SNX29: variants seen among roughly 807,000 people sequenced by gnomAD.
The protein encoded by SNX29 is sorting nexin 29, also known as sorting nexin-29.
SNX29 carries 78 observed loss-of-function variants against 102.1 expected under a neutral mutation model. The ratio of observed to expected loss-of-function variants is 0.76; its 90% confidence interval spans 0.64 to 0.92. The LOEUF is 0.92. SNX29 is among the 40% of genes least tolerant of loss of function. SNX29 has a pLI of 0.00. For missense variants in SNX29, 1,280 were observed against 1,061.7 expected (o/e 1.21, Z -2.86); for synonymous variants, 580 against 414.5 (o/e 1.40, Z -4.85).
chr16:12,442,333 C>T (rs1161668155), intron 18 of SNX29, among the ~76,000 whole-genome samples: 15 of 152,276 alleles, frequency 9.9e-5, no homozygotes, highest in East Asian at 7.7e-4. Flanking sequence ...CTTATTAGGA[C>T]GTCTTGGAAT....
chr16:12,512,404 ATATAT>A (rs2089669178), intron 19 of SNX29, among the ~76,000 whole-genome samples: 1 of 67,804 alleles, frequency 1.5e-5, no homozygotes, highest in Non-Finnish European at 2.9e-5. Flanking sequence ...ATATATATAT[ATATAT>A]ATATATATAG....
intron 18 of SNX29, among the ~76,000 whole-genome samples, chr16:12,431,729 G>C (rs1036207269): frequency 6.6e-6 from 1 of 152,154 alleles, no homozygotes; most frequent in Admixed American, 6.5e-5. Context: ...GAATTGAGGG[G>C]TGTTGCTCTT....
Position 12,313,315 on chromosome 16 carries a change from G to A in SNX29, c.1782+35279G>A, listed in dbSNP as rs1410399972. The stretch of plus-strand genomic sequence containing the variant: ...AGGCGTGAGCCACTGCGCCTGGCCT[G>A]GGTTTTTTTAAACCTCTGAGAAGCT... On this transcript the variant is annotated intron_variant, in intron 15 of 20. Coordinates refer to ENST00000566228, the MANE Select transcript of SNX29 (RefSeq NM_032167.5). Among the ~76,000 whole-genome samples the A allele has an allele frequency of 3.3e-5, 5 of 152,240 alleles. No homozygotes were observed. In the South Asian group the frequency reaches 1.0e-3, roughly 32 times the overall value.
In SNX29 at chr16:12,568,888, T is replaced by G. The variant is rs2079123574; in HGVS notation, c.*259T>G. On this transcript the variant is annotated 3_prime_UTR_variant, in exon 21 of 21. Coordinates refer to ENST00000566228, the MANE Select transcript of SNX29 (RefSeq NM_032167.5). ...GTCCTTCTGCTTCTGGGGTCTACCC[T>G]GGGCTGCAAGGGCTGTTCCTCCACC... 5 of 532,180 alleles carry G rather than the reference T, an allele frequency of 9.4e-6. No individual in the cohort carries two copies. The highest frequency in any genetic ancestry group is 4.9e-4 in the Middle Eastern group (1 of 2,026). The allele number at this position is 532,180 out of a possible 1,614,324, so 33.0% of individuals were successfully genotyped here.
At chr16:12,393,398 A>ATGCATGCG (rs1208522604) in intron 16 of SNX29, among the ~76,000 whole-genome samples, 14 of 138,698 alleles carry the variant, frequency 1.0e-4, no homozygotes, top group Non-Finnish European at 1.5e-4. Context: ...TCATTCATGC[A>ATGCATGCG]TGCATGCATG....
intron 15 of SNX29, among the ~76,000 whole-genome samples, chr16:12,352,871 A>G (rs1356931967): frequency 1.3e-5 from 2 of 152,140 alleles, no homozygotes; most frequent in Non-Finnish European, 2.9e-5. Flanking sequence ...CTACCTGCAG[A>G]TGGATTAATT....
intron 20 of SNX29, among the ~76,000 whole-genome samples, chr16:12,565,643 T>C (rs148379967): frequency 3.3e-5 from 5 of 152,328 alleles, no homozygotes; most frequent in East Asian, 1.9e-4. Context: ...GTGACACATA[T>C]AGCCTCGTGA....
At chr16:12,308,347 G>T (rs991276546) in intron 15 of SNX29, among the ~76,000 whole-genome samples, 3 of 152,196 alleles carry the variant, frequency 2.0e-5, no homozygotes, top group Non-Finnish European at 2.9e-5. Flanking sequence ...TTTCCCTCAT[G>T]GGGTGTGGGG....
intron 18 of SNX29, among the ~76,000 whole-genome samples, chr16:12,454,562 G>T (rs1011675670): frequency 1.3e-5 from 2 of 152,164 alleles, no homozygotes; most frequent in Non-Finnish European, 2.9e-5. Flanking sequence ...AATGTGGCTT[G>T]CTGCTCAGTT....
At chr16:12,528,478 G>A (rs1030401730) in intron 20 of SNX29, among the ~76,000 whole-genome samples, 1 of 152,164 alleles carries the variant, frequency 6.6e-6, no homozygotes, top group Non-Finnish European at 1.5e-5. Context: ...GCAATTACAG[G>A]TGTGAGCCAC....
chr16:12,570,204 G>T lies in SNX29; in HGVS notation c.*1575G>T. Reference sequence around the variant, plus strand: ...CGAGTCAGCCTACATGACTTCCAAGGGGACCTGGGGCCAGATAAGCCCTGC... The same window carrying T: ...CGAGTCAGCCTACATGACTTCCAAGTGGACCTGGGGCCAGATAAGCCCTGC... On this transcript the variant is annotated 3_prime_UTR_variant, in exon 21 of 21. Coordinates refer to ENST00000566228, the MANE Select transcript of SNX29 (RefSeq NM_032167.5). 1.9e-6 allele frequency: 2 copies of T among 1,065,276 alleles called. No individual in the cohort carries two copies. The highest frequency in any genetic ancestry group is 2.3e-6 in the Non-Finnish European group (2 of 879,262). 66.0% of individuals were successfully genotyped at this position (1,065,276 alleles called of 1,614,324 possible).
At chr16:12,366,575 C>A (rs1202698230) in intron 16 of SNX29, among the ~76,000 whole-genome samples, 1 of 152,156 alleles carries the variant, frequency 6.6e-6, no homozygotes, top group Non-Finnish European at 1.5e-5. Context: ...GTCCCAGGTC[C>A]AACTGGCCTC....
At chr16:12,381,389 A>C in intron 16 of SNX29, among the ~76,000 whole-genome samples, 1 of 48,628 alleles carries the variant, frequency 2.1e-5, no homozygotes, top group Non-Finnish European at 3.7e-5. Flanking sequence ...CCACCCACCC[A>C]CTCATCATCC....
intron 16 of SNX29, among the ~76,000 whole-genome samples, chr16:12,396,993 C>G (rs2083747100): frequency 6.6e-6 from 1 of 152,210 alleles, no homozygotes; most frequent in Non-Finnish European, 1.5e-5. Context: ...TCAAGTGATG[C>G]TCCCACGTCA....
intron 14 of SNX29, among the ~76,000 whole-genome samples, chr16:12,206,384 C>CA (rs59859762): frequency 0.43 from 39,386 of 92,004 alleles, 8,007 homozygotes; most frequent in Admixed American, 0.55. Context: ...AAATAGCTTT[C>CA]AAAAAAAAAA....
chr16:12,545,454 G>A (rs1358775198), intron 20 of SNX29: 1 of 152,234 alleles, frequency 6.6e-6, no homozygotes, highest in Non-Finnish European at 1.5e-5. Flanking sequence ...AGGGCTTGTG[G>A]ACGGATAGGA....
chr16:12,307,115 T>C (rs1384770480), intron 15 of SNX29, among the ~76,000 whole-genome samples: 1 of 152,220 alleles, frequency 6.6e-6, no homozygotes, highest in Admixed American at 6.5e-5. Flanking sequence ...GAACAGGCTA[T>C]TTTATTTTAG....
intron 15 of SNX29, among the ~76,000 whole-genome samples, chr16:12,336,303 C>T (rs1320217345): frequency 6.6e-6 from 1 of 152,242 alleles, no homozygotes; most frequent in African/African-American, 2.4e-5. Flanking sequence ...CAGCATCCTG[C>T]GTTGACACAG....
At chr16:12,152,399 T>C (rs2055339358) in intron 13 of SNX29, among the ~76,000 whole-genome samples, 1 of 152,200 alleles carries the variant, frequency 6.6e-6, no homozygotes, top group East Asian at 1.9e-4. Flanking sequence ...AGATGGTCAT[T>C]TCAAGGTTTG....
Sources: gnomAD v4.1 joint callset for allele counts (sites outside exome capture counted in the v4.1 genomes callset) on GRCh38, gnomAD v4.1.1 for gene constraint, MANE v1.5 for transcripts, NCBI Gene and HGNC (gene_info 2026-07-23, HGNC 2026-07-21) for gene names.